BIRC6: variants seen among roughly 807,000 people sequenced by gnomAD.
BIRC6 encodes the protein baculoviral IAP repeat containing 6, also known as dual E2 ubiquitin-conjugating enzyme/E3 ubiquitin-protein ligase BIRC6.
In BIRC6, 98 loss-of-function variants were observed where a neutral mutation model predicts 503.3. The observed-to-expected ratio is 0.19, with a 90% CI of 0.17 to 0.23. The LOEUF (loss-of-function observed/expected upper bound fraction) is 0.23. BIRC6 is among the 10% of genes least tolerant of loss of function. The probability of loss-of-function intolerance (pLI) is 1.00; values close to 1 mark genes in which losing one functional copy is unlikely to be tolerated. For synonymous variants in BIRC6, 2,240 were observed against 2,078.7 expected (o/e 1.08, Z -2.11); for missense variants, 5,360 against 5,806.0 (o/e 0.92, Z 2.50).
Position 32,509,848 on chromosome 2 carries a change from C to G in BIRC6, c.10091C>G (p.Ala3364Gly), listed in dbSNP as rs946385599. The G allele has an allele frequency of 1.2e-6, 2 of 1,613,836 alleles. No individual in the cohort carries two copies. Among genetic ancestry groups the G allele is most frequent in the Admixed American group, 3.3e-5 (2 of 60,000 alleles). Residue 3364 changes from alanine (A) to glycine (G), a missense_variant, in exon 52 of 74, where the codon GCC becomes GGC. Transcript: ENST00000421745. ...GCTAATCTGCTGCAGACTTGTGCGGCCTTATTGATGTCACCTTACTGTGGA... is the reference window on the plus strand; with the variant it reads ...GCTAATCTGCTGCAGACTTGTGCGGGCTTATTGATGTCACCTTACTGTGGA... The part of the protein sequence containing the change: ...PTANLLQTCA[A>G]LLMSPYCGMH...
intron 65 of BIRC6, among the ~76,000 whole-genome samples, chr2:32,554,192 A>T (rs181187891): frequency 6.6e-6 from 1 of 152,344 alleles, no homozygotes; most frequent in East Asian, 1.9e-4. Flanking sequence ...CTCAGCACAC[A>T]TTAAATTATT....
intron 9 of BIRC6, among the ~76,000 whole-genome samples, chr2:32,411,430 A>T (rs1465757664): frequency 1.0e-3 from 144 of 139,018 alleles, no homozygotes; most frequent in Non-Finnish European, 1.7e-3. Flanking sequence ...TTATTTTTTT[A>T]TTTTTTTTTT....
At chr2:32,552,053 A>G (rs183266498) in intron 65 of BIRC6, among the ~76,000 whole-genome samples, 15 of 152,276 alleles carry the variant, frequency 9.9e-5, no homozygotes, top group African/African-American at 9.6e-5. Context: ...TTTCTATAAC[A>G]TGTTTTTAAA....
chr2:32,396,256 C>T (rs574435583), intron 6 of BIRC6, among the ~76,000 whole-genome samples: 2 of 152,034 alleles, frequency 1.3e-5, no homozygotes, highest in African/African-American at 4.8e-5. Flanking sequence ...GAATATTTTC[C>T]AGTTTAACCT....
In BIRC6 at chr2:32,514,971, GAT is replaced by G. The variant is rs1165236725; in HGVS notation, c.10569-16_10569-15del. On this transcript the variant is annotated splice_polypyrimidine_tract_variant and intron_variant, in intron 54 of 73. Coordinates refer to ENST00000421745, the MANE Select transcript of BIRC6 (RefSeq NM_016252.4). ...AAAAATATACTTGTATCATTAATAT[GAT>G]ATCTTTTATTTTTTAGGTTACTTTT... is the stretch of plus-strand genomic sequence containing the variant. 6.4e-7 allele frequency: 1 copy of G among 1,562,022 alleles called. No homozygotes were observed. The highest frequency in any genetic ancestry group is 1.4e-5 in the African/African-American group (1 of 73,418).
intron 6 of BIRC6, among the ~76,000 whole-genome samples, chr2:32,398,967 T>TA (rs1197628092): frequency 1.3e-5 from 2 of 152,186 alleles, no homozygotes; most frequent in Non-Finnish European, 2.9e-5. Flanking sequence ...AAGAAATACA[T>TA]ACATTTTAAG....
At chr2:32,390,290 C>T (rs1003995357) in intron 4 of BIRC6, among the ~76,000 whole-genome samples, 8 of 152,214 alleles carry the variant, frequency 5.3e-5, no homozygotes, top group African/African-American at 1.9e-4. Context: ...CCTGCCTCAG[C>T]CTCCCGAGTA....
chr2:32,520,424 T>C (rs2055528482), intron 57 of BIRC6, among the ~76,000 whole-genome samples: 1 of 152,256 alleles, frequency 6.6e-6, no homozygotes, highest in Non-Finnish European at 1.5e-5. Context: ...GCCTTATCTG[T>C]TACAGAGAAA....
intron 65 of BIRC6, among the ~76,000 whole-genome samples, chr2:32,553,536 C>T (rs539049145): frequency 1.1e-3 from 173 of 151,924 alleles, no homozygotes; most frequent in African/African-American, 3.9e-3. Flanking sequence ...TGCAGGCACC[C>T]GCCACCCACC....
At chr2:32,401,061 A>C (rs1288998632) in intron 6 of BIRC6, 102 bp from the exon 7 acceptor site, 4 of 959,522 alleles carry the variant, frequency 4.2e-6, no homozygotes, top group East Asian at 4.9e-5. Context: ...TGAATACTTT[A>C]AGTTCAGTTA....
At chr2:32,413,471 C>T (rs926557097) in intron 9 of BIRC6, among the ~76,000 whole-genome samples, 2 of 151,950 alleles carry the variant, frequency 1.3e-5, no homozygotes, top group South Asian at 2.1e-4. Context: ...TGAGCCATCG[C>T]GCCCAGCCTC....
At chr2:32,540,620 A>G (rs1215250927) in intron 61 of BIRC6, among the ~76,000 whole-genome samples, 1 of 152,082 alleles carries the variant, frequency 6.6e-6, no homozygotes, top group Admixed American at 6.5e-5. Flanking sequence ...ACTTAATATT[A>G]ATACCCTAAA....
At chr2:32,506,882 A>G (rs1439568847) in intron 50 of BIRC6, among the ~76,000 whole-genome samples, 3 of 152,154 alleles carry the variant, frequency 2.0e-5, no homozygotes, top group African/African-American at 4.8e-5. Context: ...ACTTTCCTCA[A>G]AAGGTTTTGA....
chr2:32,496,201 TC>T (rs1420637566), intron 45 of BIRC6, among the ~76,000 whole-genome samples: 1 of 152,052 alleles, frequency 6.6e-6, no homozygotes, highest in African/African-American at 2.4e-5. Context: ...CAAATATCAA[TC>T]AATGATACTT....
rs1485362852 is a variant in BIRC6 at position 32,401,530 on chromosome 2, A to T, written c.1325A>T (p.Asp442Val). The change falls in exon 8 of 74, where the codon GAC becomes GTC. Residue 442 changes from aspartate to valine, a missense_variant. This residue lies in a region of BIRC6 where 700 missense variants were observed against 739.3 expected (regional missense o/e 0.95). Coordinates refer to ENST00000421745, the MANE Select transcript of BIRC6 (RefSeq NM_016252.4). ...GTACAACAGCTTATTCTATCAGGAG[A>T]CCCAAGCTCAGGAGTTGATTCAAGG... ...AIVQQLILSG[D>V]PSSGVDSRRP... The T allele has an allele frequency of 1.2e-6, 2 of 1,613,854 alleles. No homozygotes were observed. The highest frequency in any genetic ancestry group is 2.2e-5 in the East Asian group (1 of 44,902).
intron 44 of BIRC6, 112 bp from the exon 45 acceptor site, chr2:32,493,428 T>C: frequency 1.0e-6 from 1 of 970,258 alleles, no homozygotes; most frequent in Non-Finnish European, 1.5e-6. Context: ...GTTTTCCTCG[T>C]ACGAAAAGTT....
At chr2:32,394,794 C>G (rs1332140391) in intron 5 of BIRC6, among the ~76,000 whole-genome samples, 1 of 152,092 alleles carries the variant, frequency 6.6e-6, no homozygotes, top group Non-Finnish European at 1.5e-5. Context: ...TGTGCCATTG[C>G]ACTCCAGTCT....
chr2:32,418,211 T>G (rs1269651084), intron 10 of BIRC6, among the ~76,000 whole-genome samples: 1 of 152,252 alleles, frequency 6.6e-6, no homozygotes. Context: ...GGAATTACAG[T>G]TGAGAATTTC....
At chr2:32,524,607 T>C (rs2056093512) in intron 57 of BIRC6, among the ~76,000 whole-genome samples, 1 of 152,218 alleles carries the variant, frequency 6.6e-6, no homozygotes, top group Non-Finnish European at 1.5e-5. Flanking sequence ...TACTGGTTTT[T>C]CATTGTTTCT....
Sources: gnomAD v4.1 joint callset for allele counts (sites outside exome capture counted in the v4.1 genomes callset) on GRCh38, gnomAD v4.1.1 for gene constraint, gnomAD v4.1.1 regional missense constraint, MANE v1.5 for transcripts, NCBI Gene and HGNC (gene_info 2026-07-23, HGNC 2026-07-21) for gene names.